DSTYK: variants seen among roughly 807,000 people sequenced by gnomAD.
The protein encoded by DSTYK is dual serine/threonine and tyrosine protein kinase, also known as RIP-homologous kinase.
A neutral mutation model predicts 98.7 loss-of-function variants in DSTYK; 34 were observed. The ratio of observed to expected loss-of-function variants is 0.34; its 90% CI spans 0.26 to 0.46. The LOEUF (loss-of-function observed/expected upper bound fraction) is 0.46. Ranked by LOEUF, DSTYK falls within the 20% of genes least tolerant of loss-of-function variation. The probability of loss-of-function intolerance (pLI) is 1.00; values close to 1 mark genes in which losing one functional copy is unlikely to be tolerated. For synonymous variants in DSTYK, 462 were observed against 457.3 expected (o/e 1.01, Z -0.13); for missense variants, 962 against 1,181.7 (o/e 0.81, Z 2.73).
chr1:205,166,984 A>T (rs1657908179), intron 3 of DSTYK, among the ~76,000 whole-genome samples: 1 of 152,224 alleles, frequency 6.6e-6, no homozygotes, highest in Non-Finnish European at 1.5e-5. Flanking sequence ...GGATTTTAGG[A>T]AGTAGTCCGC....
intron 2 of DSTYK, among the ~76,000 whole-genome samples, chr1:205,171,107 A>T (rs535798476): frequency 4.6e-5 from 7 of 151,874 alleles, no homozygotes; most frequent in Non-Finnish European, 7.4e-5. Flanking sequence ...ATCTGTTACA[A>T]TTGAACCTAA....
At chr1:205,185,461 C>T (rs1248811953) in intron 2 of DSTYK, among the ~76,000 whole-genome samples, 1 of 152,076 alleles carries the variant, frequency 6.6e-6, no homozygotes, top group Non-Finnish European at 1.5e-5. Context: ...AATCCTCATG[C>T]CTCAGTCTCC....
In DSTYK at chr1:205,161,292, C is replaced by T; in HGVS notation, c.1914G>A (p.Leu638=). Residue 638 remains leucine (L), a synonymous_variant, in exon 7 of 13, where the codon CTG becomes CTA. Transcript: ENST00000367162. ...DHAPRLARLS[L]ESCSLQDVLL... ...AGACATCCTGTAAAGAACAGCTTTC[C>T]AGAGAAAGGCGGGCCAGGCGGGGAG... 6.2e-7 allele frequency: 1 copy of T among 1,614,098 alleles called. No individual in the cohort carries two copies. The highest frequency in any genetic ancestry group is 8.5e-7 in the Non-Finnish European group (1 of 1,179,980).
At chr1:205,160,334 G>T in intron 7 of DSTYK, 64 bp from the exon 8 acceptor site, 25 of 1,347,308 alleles carry the variant, frequency 1.9e-5, no homozygotes, top group Middle Eastern at 2.7e-4. Flanking sequence ...ACCTCTGTAA[G>T]ATTCTTTTTT....
At chr1:205,157,499 G>A (rs1657597481) in intron 9 of DSTYK, 113 bp from the exon 10 acceptor site, 7 of 804,502 alleles carry the variant, frequency 8.7e-6, no homozygotes, top group Middle Eastern at 5.5e-4. Flanking sequence ...GAAGAGCCGG[G>A]CACAGTGGCT....
In DSTYK at chr1:205,166,442, C is replaced by CT. The variant is rs758313080; in HGVS notation, c.1325-2488dup. Among the ~76,000 whole-genome samples the CT allele has an allele frequency of 1.7e-3, 257 of 150,298 alleles. 2 individuals are homozygous for CT. In the Middle Eastern group the frequency reaches 0.031, roughly 18 times the overall value. On this transcript the variant is annotated intron_variant, in intron 3 of 12. Transcript: ENST00000367162. ...CTGAAGCAGGAGGATCGCTACAAGCCTGGGCAACACAGCAAGACCTCGTCT... is the reference window on the plus strand; with the variant it reads ...CTGAAGCAGGAGGATCGCTACAAGCCTTGGGCAACACAGCAAGACCTCGTCT...
intron 2 of DSTYK, among the ~76,000 whole-genome samples, chr1:205,177,396 C>T (rs1658263360): frequency 6.6e-6 from 1 of 152,162 alleles, no homozygotes; most frequent in African/African-American, 2.4e-5. Flanking sequence ...ATTCTAGCTA[C>T]TTTACTTCCA....
rs531854189 is a variant in DSTYK, at chr1:205,192,735, G to A, written c.266-4929C>T. On this transcript the variant is annotated intron_variant, in intron 1 of 12. Coordinates refer to ENST00000367162, the MANE Select transcript of DSTYK (RefSeq NM_015375.3). ...AAACTAGCCAAGCATGGTGGCCGAC[G>A]CCTGTAATCCCAGCTATTCGGGAGG... Among the ~76,000 whole-genome samples the A allele has an allele frequency of 3.9e-5, 6 of 152,224 alleles. 1 individual carries two copies. The South Asian group carries it at 8.3e-4, about 21-fold the overall frequency.
rs1247968523 is a variant in DSTYK, at chr1:205,187,724, GATC to G, written c.345_347del (p.Ile116del). ...ACTTGACGTTACAATCCTGGCCGAG[GATC>G]AGTATGCAAGGGAGGCAGTCCACAA... On this transcript the variant is annotated inframe_deletion, in exon 2 of 13. Coordinates refer to ENST00000367162, the MANE Select transcript of DSTYK (RefSeq NM_015375.3). 1 of 1,614,178 alleles carries G rather than the reference GATC, an allele frequency of 6.2e-7. No homozygotes were observed. Among genetic ancestry groups the G allele is most frequent in the Non-Finnish European group, 8.5e-7 (1 of 1,180,030 alleles).
At chr1:205,210,130 G>C (rs903488995) in intron 1 of DSTYK, among the ~76,000 whole-genome samples, 3 of 152,014 alleles carry the variant, frequency 2.0e-5, no homozygotes, top group Non-Finnish European at 4.4e-5. Context: ...CCGAATTCCT[G>C]ACCTCAAGTG....
intron 1 of DSTYK, among the ~76,000 whole-genome samples, chr1:205,208,874 T>C (rs1250789494): frequency 1.3e-5 from 2 of 152,168 alleles, no homozygotes; most frequent in Non-Finnish European, 2.9e-5. Flanking sequence ...CAAATATACA[T>C]ATTAAGTGTC....
chr1:205,195,068 C>T (rs1658825490), intron 1 of DSTYK, among the ~76,000 whole-genome samples: 1 of 150,028 alleles, frequency 6.7e-6, no homozygotes, highest in Admixed American at 6.7e-5. Context: ...CTCAGGTGAT[C>T]CGCCTGCCTC....
At chr1:205,178,411 T>C (rs1658294560) in intron 2 of DSTYK, among the ~76,000 whole-genome samples, 1 of 152,130 alleles carries the variant, frequency 6.6e-6, no homozygotes, top group South Asian at 2.1e-4. Flanking sequence ...CTGAATTTTA[T>C]TCTCTTGCCA....
chr1:205,146,113 A>G lies in DSTYK; in HGVS notation c.*1445T>C, dbSNP rs1657224987. 1.3e-5 allele frequency: 2 copies of G among 152,132 alleles called. No homozygotes were observed. Among genetic ancestry groups the G allele is most frequent in the Admixed American group, 1.3e-4 (2 of 15,262 alleles). 9.4% of individuals were successfully genotyped at this position (152,132 alleles called of 1,614,324 possible). On this transcript the variant is annotated 3_prime_UTR_variant, in exon 13 of 13. Coordinates refer to ENST00000367162, the MANE Select transcript of DSTYK (RefSeq NM_015375.3). ...TCTGCTGCTTTTTTTCTTCTAACAG[A>G]TTTTTAAAAAGGTAAAAAGAAGGAA... is the stretch of plus-strand genomic sequence containing the variant.
intron 2 of DSTYK, among the ~76,000 whole-genome samples, chr1:205,178,886 G>C (rs981194522): frequency 2.0e-5 from 3 of 152,124 alleles, no homozygotes; most frequent in Non-Finnish European, 1.5e-5. Flanking sequence ...TGTAATCCCA[G>C]CACTTTGGGA....
chr1:205,169,834 T>C lies in DSTYK; in HGVS notation c.655-2A>G. 1.2e-6 allele frequency: 2 copies of C among 1,607,478 alleles called. No individual in the cohort carries two copies. The highest frequency in any genetic ancestry group is 1.7e-6 in the Non-Finnish European group (2 of 1,176,598). ...TGGTGCTACCACAACGTCCACTTCC[T>C]GGAAGGGGAAGGGGGTCATATATCA... is the stretch of plus-strand genomic sequence containing the variant. On this transcript the variant is annotated splice_acceptor_variant, in intron 2 of 12. Transcript: ENST00000367162. LOFTEE classifies it high-confidence loss of function. The surrounding 1 kb of genome is among the most constrained non-coding windows in gnomAD (Gnocchi z 4.0).
In DSTYK at chr1:205,163,854, C is replaced by T. The variant is rs1490416133; in HGVS notation, c.1426G>A (p.Val476Met). 2 of 1,614,076 alleles carry T rather than the reference C, an allele frequency of 1.2e-6. No homozygotes were observed. The highest frequency in any genetic ancestry group is 1.3e-5 in the African/African-American group (1 of 74,930). ...ELIISRLNQA[V>M]ANKLISSVDY... ...ACTGAGCTGATCAGCTTATTAGCCA[C>T]TGCCTGATTAAGTCGGGAGATGATG... is the stretch of plus-strand genomic sequence containing the variant. Residue 476 changes from valine (V) to methionine (M), a missense_variant, in exon 4 of 13, where the codon GTG becomes ATG. By Grantham distance (21) the Val-to-Met change is conservative. Around this residue, in one of 4 missense-constraint regions of DSTYK, gnomAD observed 660 missense variants for 855.0 expected, o/e 0.77. Transcript: ENST00000367162.
intron 3 of DSTYK, among the ~76,000 whole-genome samples, chr1:205,165,905 C>T (rs990334281): frequency 1.3e-5 from 2 of 151,906 alleles, no homozygotes; most frequent in African/African-American, 4.8e-5. Context: ...ACCTTTAGAC[C>T]CAGCTACTAG....
intron 1 of DSTYK, among the ~76,000 whole-genome samples, chr1:205,194,339 G>C (rs1223513440): frequency 2.0e-5 from 3 of 152,102 alleles, no homozygotes; most frequent in African/African-American, 7.2e-5. Flanking sequence ...GTAACTGAAG[G>C]CTCTTAAGGT....
Sources: allele counts gnomAD v4.1 joint callset (sites outside exome capture counted in the v4.1 genomes callset), GRCh38; gene constraint gnomAD v4.1.1; regional missense constraint gnomAD v4.1.1; non-coding constraint Gnocchi (gnomAD v3.1); transcripts MANE v1.5; gene names NCBI Gene and HGNC (gene_info 2026-07-23, HGNC 2026-07-21).